The following CDYL2 variants were observed in gnomAD, a reference collection of about 807,000 sequenced individuals.
CDYL2 encodes chromodomain Y like 2.
Under a neutral mutation model 49.4 loss-of-function variants are expected in CDYL2, and 23 were observed. That is an observed-to-expected ratio of 0.47 (90% CI 0.34 to 0.66). The LOEUF is 0.66. CDYL2 is among the 30% of genes least tolerant of loss of function. CDYL2 has a pLI of 0.01. For missense variants in CDYL2, 678 were observed against 656.4 expected, an observed-to-expected ratio of 1.03 and a Z score of -0.36; for synonymous variants, 360 against 268.8, an observed-to-expected ratio of 1.34 and a Z score of -3.32.
intron 1 of CDYL2, among the ~76,000 whole-genome samples, chr16:80,797,031 G>C (rs1907787201): frequency 6.6e-6 from 1 of 151,912 alleles, no homozygotes; most frequent in Admixed American, 6.5e-5. Flanking sequence ...GCTACCCCTT[G>C]TACATCTGAC....
intron 1 of CDYL2, among the ~76,000 whole-genome samples, chr16:80,724,306 GAGAGGAAGATGGGA>G (rs939131645): frequency 1.3e-5 from 2 of 150,714 alleles, no homozygotes; most frequent in Admixed American, 6.6e-5. Context: ...GGAGAAGAGA[GAGAGGAAGATGGGA>G]AGAGGAAGAG....
intron 1 of CDYL2, among the ~76,000 whole-genome samples, chr16:80,785,629 A>T (rs1045885991): frequency 6.6e-6 from 1 of 152,182 alleles, no homozygotes; most frequent in African/African-American, 2.4e-5. Flanking sequence ...CTTCATATAG[A>T]ACCAAAAAAG....
intron 2 of CDYL2, 33 bp downstream of exon 2, chr16:80,684,505 G>A (rs1910096406): frequency 1.3e-6 from 2 of 1,588,942 alleles, no homozygotes; most frequent in East Asian, 4.5e-5. Flanking sequence ...GCCATGGCCA[G>A]AGCCAAACCC....
rs1905908724 is a variant in CDYL2 at position 80,745,804 on chromosome 16, A to G, written c.24+58346T>C. On this transcript the variant is annotated intron_variant, in intron 1 of 6. Coordinates refer to ENST00000570137, the MANE Select transcript of CDYL2 (RefSeq NM_152342.4). ...CAATTCAATCCTCCCTATGACCAGG[A>G]CAGCTTGGAAGGGTTTCTCCAGCGA... Among the ~76,000 whole-genome samples, 4 of 152,148 alleles carry G rather than the reference A, an allele frequency of 2.6e-5. No homozygotes were observed. In the South Asian group the frequency reaches 8.3e-4, roughly 32 times the overall value.
At chr16:80,661,683 G>C (rs10514504) in intron 2 of CDYL2, among the ~76,000 whole-genome samples, 3,117 of 152,240 alleles carry the variant, frequency 0.02, 90 homozygotes, top group African/African-American at 0.051. Context: ...TTCTGCTTTT[G>C]TTTTCCAGAG....
intron 1 of CDYL2, among the ~76,000 whole-genome samples, chr16:80,764,668 T>C (rs1285513226): frequency 6.6e-6 from 1 of 152,144 alleles, no homozygotes; most frequent in Admixed American, 6.5e-5. Context: ...ATCTAATATA[T>C]ACTGTAGTGG....
chr16:80,771,251 AT>A (rs1284352562), intron 1 of CDYL2, among the ~76,000 whole-genome samples: 2 of 152,220 alleles, frequency 1.3e-5, no homozygotes, highest in African/African-American at 4.8e-5. Context: ...CAAGTATACA[AT>A]CAAAATAAAA....
At position 80,684,690 on chromosome 16, in the gene CDYL2, C is replaced by G. The variant is rs778339782; in HGVS notation, c.464G>C (p.Gly155Ala). Reference protein sequence around the residue: ...QIMPLKKSQNGMENGDAGSEK... With the variant: ...QIMPLKKSQNAMENGDAGSEK... ...AGAGCCGGCGTCCCCATTTTCCATCCCGTTCTGAGACTTTTTCAGGGGCAT... is the reference window on the plus strand; with the variant it reads ...AGAGCCGGCGTCCCCATTTTCCATCGCGTTCTGAGACTTTTTCAGGGGCAT... The change falls in exon 2 of 7, where the codon GGG becomes GCG. Residue 155 changes from glycine to alanine, a missense_variant. By Grantham distance (60) the Gly-to-Ala change is moderately conservative (BLOSUM62 0). Around this residue, in one of 3 missense-constraint regions of CDYL2, gnomAD observed 478 missense variants for 427.0 expected, o/e 1.12. Transcript: ENST00000570137. 1.9e-6 allele frequency: 3 copies of G among 1,614,198 alleles called. No homozygotes were observed. The highest frequency in any genetic ancestry group is 2.5e-6 in the Non-Finnish European group (3 of 1,180,034).
intron 1 of CDYL2, among the ~76,000 whole-genome samples, chr16:80,762,191 A>G (rs1467426347): frequency 6.6e-6 from 1 of 152,172 alleles, no homozygotes; most frequent in African/African-American, 2.4e-5. Flanking sequence ...TCAAAAATAA[A>G]TAAATAAAAA....
intron 1 of CDYL2, among the ~76,000 whole-genome samples, chr16:80,731,912 TA>T (rs36094462): frequency 4.6e-4 from 67 of 144,112 alleles, no homozygotes; most frequent in Admixed American, 6.2e-4. Flanking sequence ...GCAGCACAGT[TA>T]AAAAAAAAAA....
intron 3 of CDYL2, among the ~76,000 whole-genome samples, chr16:80,625,078 G>A (rs2123281): frequency 0.088 from 13,413 of 152,238 alleles, 1,161 homozygotes; most frequent in East Asian, 0.3. Context: ...GTTTCCTATG[G>A]CTGCTGTAAA....
At chr16:80,681,289 C>G (rs1909957041) in intron 2 of CDYL2, among the ~76,000 whole-genome samples, 1 of 152,118 alleles carries the variant, frequency 6.6e-6, no homozygotes, top group Non-Finnish European at 1.5e-5. Context: ...CTGCAAACCC[C>G]CAGTGCTCAC....
intron 1 of CDYL2, among the ~76,000 whole-genome samples, chr16:80,758,289 C>G (rs1198845794): frequency 1.3e-5 from 2 of 151,916 alleles, no homozygotes; most frequent in Non-Finnish European, 2.9e-5. Context: ...AAAATAAATT[C>G]CAGATAACTT....
intron 2 of CDYL2, among the ~76,000 whole-genome samples, chr16:80,668,662 G>C (rs981400660): frequency 1.1e-4 from 16 of 152,130 alleles, no homozygotes; most frequent in African/African-American, 3.9e-4. Flanking sequence ...ATTTCGGGAG[G>C]CCAAAGCAGG....
At chr16:80,668,457 A>AT (rs35626446) in intron 2 of CDYL2, among the ~76,000 whole-genome samples, 90,630 of 151,040 alleles carry the variant, frequency 0.6, 27,710 homozygotes, top group Middle Eastern at 0.76. Flanking sequence ...TATGTAATAT[A>AT]ATCACATATA....
chr16:80,735,340 A>G (rs908135106), intron 1 of CDYL2, among the ~76,000 whole-genome samples: 1 of 152,230 alleles, frequency 6.6e-6, no homozygotes, highest in African/African-American at 2.4e-5. Context: ...TGAGAAAAAT[A>G]AAGTACAGTC....
chr16:80,733,077 G>A (rs539821266), intron 1 of CDYL2, among the ~76,000 whole-genome samples: 56 of 152,150 alleles, frequency 3.7e-4, no homozygotes, highest in African/African-American at 1.3e-3. Flanking sequence ...TATATCTACT[G>A]ATAACGTTCT....
intron 1 of CDYL2, among the ~76,000 whole-genome samples, chr16:80,793,756 A>G (rs1907681097): frequency 6.6e-6 from 1 of 152,222 alleles, no homozygotes; most frequent in African/African-American, 2.4e-5. Context: ...GATACATAAA[A>G]TAATTTCTCA....
chr16:80,770,921 T>A lies in CDYL2; in HGVS notation c.24+33229A>T, dbSNP rs375123800. ...AGAAAGCCAGGAAATGAATCCAGAATCAGAGCCACTGGAGGACATTTTCTA... is the reference window on the plus strand; with the variant it reads ...AGAAAGCCAGGAAATGAATCCAGAAACAGAGCCACTGGAGGACATTTTCTA... On this transcript the variant is annotated intron_variant, in intron 1 of 6. Transcript: ENST00000570137. 4.3e-4 allele frequency among the ~76,000 whole-genome samples: 66 copies of A among 152,208 alleles called. No homozygotes were observed. In the Middle Eastern group the frequency reaches 0.01, roughly 24 times the overall value.
Sources: gnomAD v4.1 joint callset for allele counts (sites outside exome capture counted in the v4.1 genomes callset) on GRCh38, gnomAD v4.1.1 for gene constraint, gnomAD v4.1.1 regional missense constraint, MANE v1.5 for transcripts, NCBI Gene and HGNC (gene_info 2026-07-23, HGNC 2026-07-21) for gene names.